CPN1: variants seen among roughly 807,000 people sequenced by gnomAD.
CPN1 encodes carboxypeptidase N subunit 1.
In CPN1, 37 loss-of-function variants were observed where a neutral mutation model predicts 46.4. The ratio of observed to expected loss-of-function variants is 0.80; its 90% CI spans 0.61 to 1.05. CPN1 has a LOEUF of 1.05. CPN1 is among the 50% of genes least tolerant of loss of function. The pLI is 0.00. For synonymous variants in CPN1, 224 were observed against 235.4 expected, an observed-to-expected ratio of 0.95 and a Z score of 0.44; for missense variants, 563 against 602.6, an observed-to-expected ratio of 0.93 and a Z score of 0.69.
intron 5 of CPN1, among the ~76,000 whole-genome samples, chr10:100,061,638 T>C (rs553429775): frequency 3.9e-5 from 6 of 152,258 alleles, no homozygotes; most frequent in African/African-American, 1.4e-4. Flanking sequence ...CAGCTTAATT[T>C]AGGGCAATGA....
chr10:100,071,912 G>A (rs754751700), intron 2 of CPN1, among the ~76,000 whole-genome samples: 1 of 152,050 alleles, frequency 6.6e-6, no homozygotes, highest in Non-Finnish European at 1.5e-5. Flanking sequence ...AATCACCTAC[G>A]GATACTGAAG....
chr10:100,057,662 T>C (rs1250893096), intron 5 of CPN1, among the ~76,000 whole-genome samples: 1 of 152,176 alleles, frequency 6.6e-6, no homozygotes, highest in East Asian at 1.9e-4. Flanking sequence ...GAATAAATTT[T>C]CGTTCATTTT....
rs776417344 is a variant in CPN1, at chr10:100,081,608, T to A, written c.18A>T (p.Ser6=). ...AGAGAAGGAGGAGGTGGAGGAAGAC[T>A]GAGAGCAGGTCTGACATCTTGCTGG... The part of the protein sequence containing the change: MSDLL[S]VFLHLLLLFK... The change falls in exon 1 of 9, where the codon TCA becomes TCT. Residue 6 remains serine (S), a synonymous_variant. Coordinates refer to ENST00000370418, the MANE Select transcript of CPN1 (RefSeq NM_001308.3). 2.5e-6 allele frequency: 4 copies of A among 1,614,110 alleles called. No individual in the cohort carries two copies. The Middle Eastern group carries it at 5.0e-4, about 200-fold the overall frequency.
intron 6 of CPN1, among the ~76,000 whole-genome samples, chr10:100,056,717 CTT>C (rs34591682): frequency 5.6e-5 from 8 of 142,376 alleles, no homozygotes; most frequent in Non-Finnish European, 9.3e-5. Context: ...GCTTGGCTAT[CTT>C]TTTTTTTTTT....
Position 100,081,467 on chromosome 10 carries a change from G to A in CPN1, c.159C>T (p.Arg53=), listed in dbSNP as rs368682241. The change falls in exon 1 of 9, where the codon CGC becomes CGT. Residue 53 remains arginine, a synonymous_variant. Transcript: ENST00000370418. ...PGITRVYSIG[R]SVEGRHLYVL... is the part of the protein sequence containing the mutation. ...CGTAGAGGTGTCTCCCCTCCACGCT[G>A]CGCCCAATGCTGTAGACCCGCGTGA... The A allele has an allele frequency of 3.9e-5, 63 of 1,613,942 alleles. No homozygotes were observed. The highest frequency in any genetic ancestry group is 6.8e-6 in the Non-Finnish European group (8 of 1,180,050).
intron 6 of CPN1, among the ~76,000 whole-genome samples, 167 bp from the exon 7 acceptor site, chr10:100,054,613 C>G (rs1426478677): frequency 6.6e-6 from 1 of 152,144 alleles, no homozygotes; most frequent in Non-Finnish European, 1.5e-5. Flanking sequence ...CCCAATTAAT[C>G]TCTTCGCAAT....
intron 8 of CPN1, among the ~76,000 whole-genome samples, chr10:100,046,465 G>A (rs903933726): frequency 2.6e-5 from 4 of 152,042 alleles, no homozygotes; most frequent in Admixed American, 6.6e-5. Context: ...CAGAGAACCC[G>A]TCTCTACAAA....
chr10:100,081,549 T>C lies in CPN1; in HGVS notation c.77A>G (p.His26Arg), dbSNP rs754901371. 6.2e-7 allele frequency: 1 copy of C among 1,614,118 alleles called. No individual in the cohort carries two copies. The highest frequency in any genetic ancestry group is 8.5e-7 in the Non-Finnish European group (1 of 1,180,006). Residue 26 changes from histidine to arginine, a missense_variant, in exon 1 of 9, where the codon CAC becomes CGC. By Grantham distance (29) the His-to-Arg change is conservative (BLOSUM62 0). Coordinates refer to ENST00000370418, the MANE Select transcript of CPN1 (RefSeq NM_001308.3). ...CGTCCGCACAAGATCATCATAGCGG[T>C]GGTGGCGAAAGGTCACCGGGGCAAC... The part of the protein sequence containing the change: ...KLVAPVTFRH[H>R]RYDDLVRTLY...
chr10:100,065,963 T>C (rs917292116), intron 3 of CPN1, among the ~76,000 whole-genome samples: 3 of 151,232 alleles, frequency 2.0e-5, no homozygotes, highest in South Asian at 2.1e-4. Context: ...TTTTTTTTTG[T>C]TTTGTTTTTT....
chr10:100,051,187 T>A (rs1415456709), intron 7 of CPN1, among the ~76,000 whole-genome samples: 1 of 152,244 alleles, frequency 6.6e-6, no homozygotes, highest in African/African-American at 2.4e-5. Context: ...TCATTTTAAG[T>A]ATATAGCAAT....
chr10:100,046,893 G>T (rs2041316227), intron 8 of CPN1, among the ~76,000 whole-genome samples: 1 of 151,828 alleles, frequency 6.6e-6, no homozygotes, highest in African/African-American at 2.4e-5. Context: ...GGCCAACATG[G>T]CAAACCCCTG....
chr10:100,066,169 T>C (rs545263758), intron 3 of CPN1, among the ~76,000 whole-genome samples: 2 of 152,268 alleles, frequency 1.3e-5, no homozygotes, highest in African/African-American at 4.8e-5. Context: ...TTACTGAGGC[T>C]GGTCTTGAGC....
chr10:100,057,061 C>T lies in CPN1; in HGVS notation c.963G>A (p.Gln321=), dbSNP rs1564772577. The part of the protein sequence containing the change: ...CDKFPPEEEL[Q]REWLGNREAL... ...CTTCCCGATTACCCAGCCACTCCCG[C>T]TGTAACTCCTCTTCGGGGGGAAACT... The change falls in exon 6 of 9, where the codon CAG becomes CAA. Residue 321 remains glutamine (Q), a synonymous_variant. Coordinates refer to ENST00000370418, the MANE Select transcript of CPN1 (RefSeq NM_001308.3). The T allele has an allele frequency of 1.9e-6, 3 of 1,614,168 alleles. No homozygotes were observed. The highest frequency in any genetic ancestry group is 2.2e-5 in the South Asian group (2 of 91,090).
At chr10:100,060,991 C>G (rs2041413657) in intron 5 of CPN1, among the ~76,000 whole-genome samples, 1 of 150,626 alleles carries the variant, frequency 6.6e-6, no homozygotes, top group African/African-American at 2.4e-5. Flanking sequence ...CACAGAAAAA[C>G]AGACTTTGCA....
rs200332176 is a variant in CPN1 at position 100,063,688 on chromosome 10, A to G, written c.797T>C (p.Phe266Ser). 1 of 1,614,080 alleles carries G rather than the reference A, an allele frequency of 6.2e-7. No individual in the cohort carries two copies. The highest frequency in any genetic ancestry group is 1.3e-5 in the African/African-American group (1 of 75,014). ...KVYSYAHGWM[F>S]QGWNCGDYFP... The stretch of plus-strand genomic sequence containing the variant: ...GTAATCTCCGCAGTTCCAACCTTGG[A>G]ACATCCATCCATGTGCATAGGAGTA... Residue 266 changes from phenylalanine (F) to serine (S), a missense_variant, in exon 5 of 9, where the codon TTC (phenylalanine) becomes TCC (serine). Coordinates refer to ENST00000370418, the MANE Select transcript of CPN1 (RefSeq NM_001308.3).
rs191943815 is a variant in CPN1, at chr10:100,073,880, G to A, written c.420+2031C>T. ...TCCTCCTACTTCAGCCTCCCAAAGT[G>A]CTGGGATTACAGGCCTGAGCCACGG... is the stretch of plus-strand genomic sequence containing the variant. On this transcript the variant is annotated intron_variant, in intron 2 of 8. Coordinates refer to ENST00000370418, the MANE Select transcript of CPN1 (RefSeq NM_001308.3). 4.1e-4 allele frequency among the ~76,000 whole-genome samples: 63 copies of A among 152,260 alleles called. No individual in the cohort carries two copies. The East Asian group carries it at 0.012, about 28-fold the overall frequency.
chr10:100,078,329 AC>A (rs2133450249), intron 1 of CPN1, among the ~76,000 whole-genome samples: 1 of 152,362 alleles, frequency 6.6e-6, no homozygotes, highest in African/African-American at 2.4e-5. Flanking sequence ...GGCATAAGCC[AC>A]CACAGCTGGC....
chr10:100,053,725 CAA>C (rs11336201), intron 7 of CPN1, among the ~76,000 whole-genome samples: 1 of 149,516 alleles, frequency 6.7e-6, no homozygotes, highest in African/African-American at 2.5e-5. Flanking sequence ...CAAAATAAAA[CAA>C]AAAAAAAATC....
intron 7 of CPN1, among the ~76,000 whole-genome samples, chr10:100,049,280 A>G (rs1411263353): frequency 8.4e-6 from 1 of 119,158 alleles, no homozygotes; most frequent in Non-Finnish European, 1.7e-5. Flanking sequence ...TTTGAGATGG[A>G]GTCTCACTCT....
Sources: allele counts gnomAD v4.1 joint callset (sites outside exome capture counted in the v4.1 genomes callset), GRCh38; gene constraint gnomAD v4.1.1; transcripts MANE v1.5; gene names NCBI Gene and HGNC (gene_info 2026-07-23, HGNC 2026-07-21).